The following ZBTB10 variants were observed in gnomAD, a reference collection of about 807,000 sequenced individuals.
ZBTB10 encodes the protein zinc finger and BTB domain containing 10.
Under a neutral mutation model 76.4 loss-of-function variants are expected in ZBTB10, and 32 were observed. That is an observed-to-expected ratio of 0.42 (90% CI 0.32 to 0.56). ZBTB10 has a LOEUF of 0.56. Ranked by LOEUF, ZBTB10 falls within the 20% of genes least tolerant of loss-of-function variation. The pLI is 0.14. For synonymous variants in ZBTB10, 523 were observed against 432.9 expected, an observed-to-expected ratio of 1.21 and a Z score of -2.58; for missense variants, 1,057 against 1,098.5, an observed-to-expected ratio of 0.96 and a Z score of 0.53.
chr8:80,499,568 A>G lies in ZBTB10; in HGVS notation c.1047A>G (p.Gln349=), dbSNP rs369147595. The change falls in exon 2 of 6, where the codon CAA becomes CAG. Residue 349 remains glutamine, a synonymous_variant. Transcript: ENST00000455036. ...CAAATGAGAACTCTTATTGCTATCA[A>G]CTTCTGCGACAACTAAATGAACAGA... ...SRPNENSYCY[Q]LLRQLNEQRK... is the part of the protein sequence containing the mutation. 7 of 1,613,832 alleles carry G rather than the reference A, an allele frequency of 4.3e-6. No individual in the cohort carries two copies. The African/African-American group carries it at 9.3e-5, about 22-fold the overall frequency.
At chr8:80,496,400 A>G (rs1815784676) in intron 1 of ZBTB10, among the ~76,000 whole-genome samples, 1 of 148,684 alleles carries the variant, frequency 6.7e-6, no homozygotes, top group Non-Finnish European at 1.5e-5. Context: ...GGCATATTTA[A>G]TAGCTGCTGC....
chr8:80,487,034 A>T lies in ZBTB10; in HGVS notation c.224A>T (p.Gln75Leu), dbSNP rs1274888222. 4 of 1,519,984 alleles carry T rather than the reference A, an allele frequency of 2.6e-6. No homozygotes were observed. Among genetic ancestry groups the T allele is most frequent in the South Asian group, 2.4e-5 (2 of 82,676 alleles). 94.2% of individuals were successfully genotyped at this position (1,519,984 alleles called of 1,614,324 possible). The change falls in exon 1 of 6, where the codon CAA becomes CTA. Residue 75 changes from glutamine (Q) to leucine (L), a missense_variant. By Grantham distance (113) the Gln-to-Leu change is moderately radical. This residue lies in a region of ZBTB10 where 556 missense variants were observed against 451.7 expected (regional missense o/e 1.23). Coordinates refer to ENST00000455036, the MANE Select transcript of ZBTB10 (RefSeq NM_001105539.3). Reference sequence around the variant, plus strand: ...GTGGAATTGGAGGGCCTGGAGCCCCAAGACCTGGAGGCCTCCGCCGGGCCG... The same window carrying T: ...GTGGAATTGGAGGGCCTGGAGCCCCTAGACCTGGAGGCCTCCGCCGGGCCG... ...EEVELEGLEP[Q>L]DLEASAGPAA...
Position 80,487,515 on chromosome 8 carries a change from G to T in ZBTB10, c.705G>T (p.Pro235=), listed in dbSNP as rs1215909196. The change falls in exon 1 of 6, where the codon CCG becomes CCT. Residue 235 remains proline, a synonymous_variant. Coordinates refer to ENST00000455036, the MANE Select transcript of ZBTB10 (RefSeq NM_001105539.3). Reference sequence around the variant, plus strand: ...AAGGAGAGACTGTCCAGCACTTCCCGCTCGCGCGGCCCAAGTCTCTAATGC... The same window carrying T: ...AAGGAGAGACTGTCCAGCACTTCCCTCTCGCGCGGCCCAAGTCTCTAATGC... ...AGEGETVQHF[P]LARPKSLMQK... 6.4e-7 allele frequency: 1 copy of T among 1,564,716 alleles called. No individual in the cohort carries two copies. The highest frequency in any genetic ancestry group is 8.7e-7 in the Non-Finnish European group (1 of 1,154,314).
At chr8:80,501,389 A>T (rs559153484) in intron 2 of ZBTB10, among the ~76,000 whole-genome samples, 1 of 152,218 alleles carries the variant, frequency 6.6e-6, no homozygotes, top group Non-Finnish European at 1.5e-5. Context: ...CTGGCTGTGC[A>T]TATCTTTATT....
upstream of ZBTB10, chr8:80,485,765 C>T (rs774339998): frequency 5.2e-6 from 8 of 1,532,208 alleles, no homozygotes; most frequent in African/African-American, 6.9e-5. Context: ...CCTTGGGCAC[C>T]GCCACCCACC....
chr8:80,487,737 G>A lies in ZBTB10; in HGVS notation c.927G>A (p.Arg309=). 1.2e-6 allele frequency: 2 copies of A among 1,612,160 alleles called. No individual in the cohort carries two copies. Among genetic ancestry groups the A allele is most frequent in the Middle Eastern group, 1.7e-4 (1 of 6,052 alleles). Residue 309 remains arginine, a synonymous_variant, in exon 1 of 6, where the codon AGG becomes AGA. Coordinates refer to ENST00000455036, the MANE Select transcript of ZBTB10 (RefSeq NM_001105539.3). ...TRNYKKTLLL[R]HHVSTEHKLH... Reference sequence around the variant, plus strand: ...ACTACAAGAAAACCCTCCTCCTGAGGCACCACGTCTCTACCGAGCACAAAC... The same window carrying A: ...ACTACAAGAAAACCCTCCTCCTGAGACACCACGTCTCTACCGAGCACAAAC...
chr8:80,499,455 C>T (rs1004958105), intron 1 of ZBTB10, 39 bp from the exon 2 acceptor site: 1 of 1,500,472 alleles, frequency 6.7e-7, no homozygotes, highest in Non-Finnish European at 8.9e-7. Flanking sequence ...TTAAAAAAGT[C>T]AATAAAGTTT....
At chr8:80,501,916 G>A (rs993651464) in intron 2 of ZBTB10, among the ~76,000 whole-genome samples, 4 of 152,136 alleles carry the variant, frequency 2.6e-5, no homozygotes, top group African/African-American at 7.2e-5. Flanking sequence ...GTGCTGTATG[G>A]ATTATTTCTG....
chr8:80,511,485 TTTA>T lies in ZBTB10; in HGVS notation c.1862-2422_1862-2420del, dbSNP rs1181781763. 4.6e-5 allele frequency among the ~76,000 whole-genome samples: 7 copies of T among 152,216 alleles called. 1 individual carries two copies. The highest frequency in any genetic ancestry group is 1.0e-4 in the Non-Finnish European group (7 of 68,032). On this transcript the variant is annotated intron_variant, in intron 2 of 5. Transcript: ENST00000455036. Reference sequence around the variant, plus strand: ...CTAGTGAAATTGAATAATTGTATTTTTTATTTTTATTTCAATTTTGTTGAGACA... The same window carrying T: ...CTAGTGAAATTGAATAATTGTATTTTTTTTTATTTCAATTTTGTTGAGACA...
chr8:80,498,723 T>C (rs905242084), intron 1 of ZBTB10, among the ~76,000 whole-genome samples: 3 of 152,238 alleles, frequency 2.0e-5, no homozygotes, highest in African/African-American at 7.2e-5. Flanking sequence ...CTTTTATTCT[T>C]ACGATTATAT....
chr8:80,511,669 A>G (rs60325294), intron 2 of ZBTB10, among the ~76,000 whole-genome samples: 24 of 152,310 alleles, frequency 1.6e-4, no homozygotes, highest in East Asian at 9.7e-4. Context: ...ATTGAAATAC[A>G]TTTAACTTTA....
rs1419016831 is a variant in ZBTB10, at chr8:80,524,419, C to G, written c.*4891C>G. The G allele has an allele frequency of 1.3e-5, 2 of 151,980 alleles. No homozygotes were observed. The highest frequency in any genetic ancestry group is 4.8e-5 in the African/African-American group (2 of 41,398). The allele number at this position is 151,980 out of a possible 1,614,324, so 9.4% of individuals were successfully genotyped here. A position where few individuals can be genotyped will look rare whatever the true frequency, so the allele number is the denominator to read the frequency against. On this transcript the variant is annotated 3_prime_UTR_variant, in exon 6 of 6. Coordinates refer to ENST00000455036, the MANE Select transcript of ZBTB10 (RefSeq NM_001105539.3). ...ATAATCTTGGAAATGGGTTGAAAAG[C>G]AAAGGTAAACTGCTTCATCCCATGT...
Position 80,486,617 on chromosome 8 carries a change from CAG to C in ZBTB10, c.-193_-192del. The C allele has an allele frequency of 9.1e-6, 9 of 987,676 alleles. No homozygotes were observed. Among genetic ancestry groups the C allele is most frequent in the Non-Finnish European group, 1.1e-5 (9 of 831,726 alleles). 61.2% of individuals were successfully genotyped at this position (987,676 alleles called of 1,614,324 possible). A position where few individuals can be genotyped will look rare whatever the true frequency, so the allele number is the denominator to read the frequency against. Reference sequence around the variant, plus strand: ...GGCGTCGGCCCGGCAGCGGCAGCGGCAGCGGACGCGTGCAGCAGACCCGGGAG... The same window carrying C: ...GGCGTCGGCCCGGCAGCGGCAGCGGCCGGACGCGTGCAGCAGACCCGGGAG... On this transcript the variant is annotated 5_prime_UTR_variant, in exon 1 of 6. Transcript: ENST00000455036.
At chr8:80,511,339 C>T (rs1289293692) in intron 2 of ZBTB10, among the ~76,000 whole-genome samples, 1 of 152,182 alleles carries the variant, frequency 6.6e-6, no homozygotes, top group Non-Finnish European at 1.5e-5. Context: ...CAACAATTCA[C>T]TGTAGAATTT....
intron 1 of ZBTB10, among the ~76,000 whole-genome samples, chr8:80,491,563 A>G (rs1183275015): frequency 6.6e-6 from 1 of 152,140 alleles, no homozygotes; most frequent in Non-Finnish European, 1.5e-5. Flanking sequence ...TTCATGGGAA[A>G]GTCTTTTAAA....
chr8:80,486,030 G>T, upstream of ZBTB10: 5 of 954,346 alleles, frequency 5.2e-6, no homozygotes, highest in Admixed American at 1.7e-4. Context: ...CCCCTCGGCC[G>T]ACTTCCTTCC....
chr8:80,493,171 ACAAG>A (rs2131476537), intron 1 of ZBTB10, among the ~76,000 whole-genome samples: 1 of 150,732 alleles, frequency 6.6e-6, no homozygotes, highest in African/African-American at 2.4e-5. Context: ...AACTGGGGCG[ACAAG>A]CAAGACTGTG....
In ZBTB10 at chr8:80,518,606, C is replaced by T. The variant is rs1414901235; in HGVS notation, c.2137+27C>T. 2.6e-6 allele frequency: 4 copies of T among 1,528,348 alleles called. No homozygotes were observed. In the East Asian group the frequency reaches 9.8e-5, roughly 38 times the overall value. The allele number at this position is 1,528,348 out of a possible 1,614,324, so 94.7% of individuals were successfully genotyped here. ...CAAGTATTAGTCAACTAAACAAATACAGAATTAATTAAATAATTGTTAACA... is the reference window on the plus strand; with the variant it reads ...CAAGTATTAGTCAACTAAACAAATATAGAATTAATTAAATAATTGTTAACA... On this transcript the variant is annotated intron_variant, in intron 4 of 5. Transcript: ENST00000455036.
In ZBTB10 at chr8:80,486,957, G is replaced by A. The variant is rs770081106; in HGVS notation, c.147G>A (p.Pro49=). The A allele has an allele frequency of 4.6e-5, 69 of 1,512,274 alleles. No individual in the cohort carries two copies. The African/African-American group carries it at 8.7e-4, about 19-fold the overall frequency. 93.7% of individuals were successfully genotyped at this position (1,512,274 alleles called of 1,614,324 possible). A position where few individuals can be genotyped will look rare whatever the true frequency, so the allele number is the denominator to read the frequency against. ...AGCCCCAGCCGAGACAGCCCCCGCC[G>A]CCAGCGCCGCCCGCGCTTCAGCCGC... ...PPQPQPRQPP[P]PAPPALQPPN... is the part of the protein sequence containing the mutation. The change falls in exon 1 of 6, where the codon CCG becomes CCA. Residue 49 remains proline (P), a synonymous_variant. Transcript: ENST00000455036.
Sources: allele counts gnomAD v4.1 joint callset (sites outside exome capture counted in the v4.1 genomes callset), GRCh38; gene constraint gnomAD v4.1.1; regional missense constraint gnomAD v4.1.1; transcripts MANE v1.5; gene names NCBI Gene and HGNC (gene_info 2026-07-23, HGNC 2026-07-21).